The following FRMPD2 variants were observed in gnomAD, a reference collection of about 807,000 sequenced individuals.
FRMPD2 encodes the protein FERM and PDZ domain containing 2, also known as FERM and PDZ domain-containing protein 2.
FRMPD2 carries 96 observed loss-of-function variants against 140.1 expected under a neutral mutation model. That is an observed-to-expected ratio of 0.69 (90% confidence interval 0.58 to 0.81). The LOEUF is 0.81. Among genes scored for constraint, FRMPD2 ranks in the 40% least tolerant of loss-of-function variants. FRMPD2 has a pLI of 0.00. For synonymous variants in FRMPD2, 449 were observed against 547.6 expected, an observed-to-expected ratio of 0.82 and a Z score of 2.52; for missense variants, 1,240 against 1,447.4, an observed-to-expected ratio of 0.86 and a Z score of 2.32.
chr10:48,201,502 T>G (rs1485034698), intron 14 of FRMPD2, 118 bp from the exon 15 acceptor site: 1 of 765,498 alleles, frequency 1.3e-6, no homozygotes, highest in Non-Finnish European at 2.1e-6. Context: ...CATCCACGGG[T>G]GCATGGCAGA....
chr10:48,175,062 G>T (rs1413327820), intron 23 of FRMPD2, 107 bp from the exon 24 acceptor site: 1 of 562,416 alleles, frequency 1.8e-6, no homozygotes, highest in African/African-American at 2.0e-5. Context: ...TGGAGAAGTG[G>T]GAAAGGAAGC....
chr10:48,186,807 G>A (rs1391624401), intron 17 of FRMPD2, among the ~76,000 whole-genome samples: 1 of 152,212 alleles, frequency 6.6e-6, no homozygotes, highest in African/African-American at 2.4e-5. Flanking sequence ...CTGGCCAGGA[G>A]GATGCATGGC....
intron 28 of FRMPD2, chr10:48,159,351 C>T: frequency 2.3e-6 from 1 of 430,158 alleles, no homozygotes. Flanking sequence ...GACAGATACC[C>T]CTGGGTATCT....
chr10:48,167,549 T>G (rs2132397472), intron 27 of FRMPD2, among the ~76,000 whole-genome samples: 1 of 115,156 alleles, frequency 8.7e-6, no homozygotes, highest in Non-Finnish European at 1.8e-5. Flanking sequence ...CACATTGATC[T>G]CTCCTTCTGC....
chr10:48,270,255 C>T (rs933131949), intron 1 of FRMPD2, among the ~76,000 whole-genome samples: 17 of 152,188 alleles, frequency 1.1e-4, no homozygotes, highest in African/African-American at 3.6e-4. Context: ...CGATGATGAG[C>T]GCTCAGTGCC....
chr10:48,177,352 C>G (rs1201134586), intron 22 of FRMPD2: 2 of 151,186 alleles, frequency 1.3e-5, no homozygotes, highest in East Asian at 3.9e-4. Flanking sequence ...ACCTTGCGAT[C>G]CACCCGCCTC....
intron 14 of FRMPD2, among the ~76,000 whole-genome samples, chr10:48,202,940 A>C (rs1839123002): frequency 6.6e-6 from 1 of 152,048 alleles, no homozygotes; most frequent in East Asian, 1.9e-4. Flanking sequence ...AGTTGGGACC[A>C]CAGTGAGGCA....
intron 1 of FRMPD2, among the ~76,000 whole-genome samples, chr10:48,265,632 A>G (rs1840664522): frequency 6.6e-6 from 1 of 152,232 alleles, no homozygotes; most frequent in Non-Finnish European, 1.5e-5. Flanking sequence ...AATATCACTG[A>G]TCATTAGAGA....
rs747172149 is a variant in FRMPD2, at chr10:48,200,749, T to C, written c.1954+479A>G. ...TCATGTACAGTTTCACATATCATCA[T>C]TGTCCAAAAACTGATTTTACTGTCT... is the stretch of plus-strand genomic sequence containing the variant. On this transcript the variant is annotated intron_variant, in intron 15 of 28. Transcript: ENST00000374201. Among the ~76,000 whole-genome samples, 151 of 152,358 alleles carry C rather than the reference T, an allele frequency of 9.9e-4. 3 individuals carry two copies. Among genetic ancestry groups the C allele is most frequent in the Non-Finnish European group, 2.6e-4 (18 of 68,034 alleles).
intron 12 of FRMPD2, among the ~76,000 whole-genome samples, chr10:48,221,789 A>C (rs4838582): frequency 1.3e-5 from 2 of 152,032 alleles, no homozygotes; most frequent in Admixed American, 6.5e-5. Flanking sequence ...TAGCAAAGAG[A>C]GCTCAGTGAA....
chr10:48,204,709 T>A (rs1677166976), intron 14 of FRMPD2, among the ~76,000 whole-genome samples: 1 of 152,244 alleles, frequency 6.6e-6, no homozygotes, highest in South Asian at 2.1e-4. Context: ...GAATAAATAT[T>A]TCTTTCATGC....
chr10:48,233,904 G>C (rs1588845053), intron 9 of FRMPD2, among the ~76,000 whole-genome samples: 1 of 152,092 alleles, frequency 6.6e-6, no homozygotes, highest in South Asian at 2.1e-4. Flanking sequence ...GCAGGCACAC[G>C]CACCCAAGGC....
intron 22 of FRMPD2, chr10:48,177,838 G>T: frequency 4.6e-6 from 2 of 438,272 alleles, no homozygotes; most frequent in South Asian, 5.0e-5. Context: ...GTCCCCTAGT[G>T]CATGCCCTGC....
intron 24 of FRMPD2, 109 bp downstream of exon 24, chr10:48,174,761 A>C (rs1261475993): frequency 4.3e-5 from 40 of 934,950 alleles, no homozygotes; most frequent in Non-Finnish European, 6.6e-5. Flanking sequence ...ACAAAGAAAA[A>C]GTCTTGTTTC....
At chr10:48,201,706 A>G (rs535984378) in intron 14 of FRMPD2, 22 of 175,164 alleles carry the variant, frequency 1.3e-4, no homozygotes, top group Non-Finnish European at 2.4e-4. Context: ...AGTGTGCATT[A>G]TGACAAGCCA....
intron 15 of FRMPD2, among the ~76,000 whole-genome samples, chr10:48,197,718 T>C (rs1333023635): frequency 6.6e-6 from 1 of 152,206 alleles, no homozygotes; most frequent in East Asian, 1.9e-4. Context: ...GAAGAACTAA[T>C]GCCTAGACAT....
At position 48,239,730 on chromosome 10, in the gene FRMPD2, C is replaced by A. The variant is rs745597418; in HGVS notation, c.701-38G>T. 6 of 1,488,742 alleles carry A rather than the reference C, an allele frequency of 4.0e-6. No homozygotes were observed. The South Asian group carries it at 6.8e-5, about 17-fold the overall frequency. 92.2% of individuals were successfully genotyped at this position (1,488,742 alleles called of 1,614,324 possible). On this transcript the variant is annotated intron_variant, in intron 6 of 28. Coordinates refer to ENST00000374201, the MANE Select transcript of FRMPD2 (RefSeq NM_001018071.4). Reference sequence around the variant, plus strand: ...CATGGTAGAGGGTATGGGCAGAAGCCAAGATCACGGCTTTCTTAAATCAGG... The same window carrying A: ...CATGGTAGAGGGTATGGGCAGAAGCAAAGATCACGGCTTTCTTAAATCAGG...
chr10:48,243,972 A>T (rs1327735541), intron 4 of FRMPD2, among the ~76,000 whole-genome samples: 1 of 152,128 alleles, frequency 6.6e-6, no homozygotes, highest in Non-Finnish European at 1.5e-5. Flanking sequence ...AAATATTAGG[A>T]TATTTTTATG....
At chr10:48,255,406 C>G (rs370362294) in intron 1 of FRMPD2, among the ~76,000 whole-genome samples, 2 of 152,282 alleles carry the variant, frequency 1.3e-5, no homozygotes, top group East Asian at 3.9e-4. Context: ...TCCACTTGGG[C>G]CTCCCTCTCC....
Sources: gnomAD v4.1 joint callset for allele counts (sites outside exome capture counted in the v4.1 genomes callset) on GRCh38, gnomAD v4.1.1 for gene constraint, MANE v1.5 for transcripts, NCBI Gene and HGNC (gene_info 2026-07-23, HGNC 2026-07-21) for gene names.